DENND5A: variants seen among roughly 807,000 people sequenced by gnomAD.
The protein encoded by DENND5A is DENN domain-containing protein 5A.
In DENND5A, 64 loss-of-function variants were observed where a neutral mutation model predicts 140.3. The ratio of observed to expected loss-of-function variants is 0.46; its 90% CI spans 0.37 to 0.56. The LOEUF is 0.56. Among genes scored for constraint, DENND5A ranks in the 20% least tolerant of loss-of-function variants. The pLI is 0.00. For synonymous variants in DENND5A, 605 were observed against 607.7 expected, an observed-to-expected ratio of 1.00 and a Z score of 0.07; for missense variants, 1,292 against 1,593.8, an observed-to-expected ratio of 0.81 and a Z score of 3.22.
At chr11:9,241,498 T>C (rs1851232454) in intron 1 of DENND5A, among the ~76,000 whole-genome samples, 1 of 152,292 alleles carries the variant, frequency 6.6e-6, no homozygotes, top group Middle Eastern at 3.4e-3. Flanking sequence ...TCTAATCTCA[T>C]CTTCCCACCA....
At chr11:9,164,194 ATTTTTTTTTTTTTTTTTTTTTT>A (rs779522112) in intron 11 of DENND5A, among the ~76,000 whole-genome samples, 22,261 of 79,574 alleles carry the variant, frequency 0.28, 2,491 homozygotes, top group Middle Eastern at 0.38. Flanking sequence ...ACCACGCCTA[ATTTTTTTTTTTTTTTTTTTTTT>A]TTTTTTTTTT....
chr11:9,144,942 G>T, intron 18 of DENND5A, 53 bp downstream of exon 18: 1 of 1,290,988 alleles, frequency 7.7e-7, no homozygotes, highest in Non-Finnish European at 1.1e-6. Context: ...GCATCGAAGA[G>T]CTCCTGTAGA....
At chr11:9,175,777 A>G (rs2136167796) in intron 8 of DENND5A, 1 of 152,358 alleles carries the variant, frequency 6.6e-6, no homozygotes, top group Admixed American at 6.5e-5. Context: ...TATATGAAAA[A>G]AAAATGGACG....
chr11:9,193,474 A>C lies in DENND5A; in HGVS notation c.1137+20T>G. 1 of 1,565,734 alleles carries C rather than the reference A, an allele frequency of 6.4e-7. No individual in the cohort carries two copies. The highest frequency in any genetic ancestry group is 8.6e-7 in the Non-Finnish European group (1 of 1,157,384). ...CCAATCCTGGATTGGGGCCAGAGGC[A>C]CCAACACTCAAGATCTCACCTCTTG... On this transcript the variant is annotated intron_variant, in intron 5 of 22. Transcript: ENST00000328194.
Position 9,147,103 on chromosome 11 carries a change from C to A in DENND5A, c.2784G>T (p.Glu928Asp). ...AAGACAGGAGGTGATAGAGGAACTG[C>A]TCCTTCTCGTCATCACAGCGCAGGA... Reference protein sequence around the residue: ...YAFLRCDDEKEQFLYHLLSFN... With the variant: ...YAFLRCDDEKDQFLYHLLSFN... The change falls in exon 16 of 23, where the codon GAG becomes GAT. Residue 928 changes from glutamate (E) to aspartate (D), a missense_variant. By Grantham distance (45) the Glu-to-Asp change is conservative. Transcript: ENST00000328194. The A allele has an allele frequency of 6.2e-7, 1 of 1,614,064 alleles. No individual in the cohort carries two copies. The highest frequency in any genetic ancestry group is 8.5e-7 in the Non-Finnish European group (1 of 1,179,928).
chr11:9,251,621 C>T (rs187345642), intron 1 of DENND5A, among the ~76,000 whole-genome samples: 96 of 152,292 alleles, frequency 6.3e-4, no homozygotes, highest in East Asian at 9.6e-4. Flanking sequence ...GTTCTACATA[C>T]GCCAAATGAA....
chr11:9,177,785 A>G (rs533655888), intron 8 of DENND5A: 132 of 178,106 alleles, frequency 7.4e-4, no homozygotes, highest in African/African-American at 3.1e-3. Flanking sequence ...TCACTGAATA[A>G]AAAGACAGAA....
chr11:9,196,428 G>GTA (rs1017031126), intron 4 of DENND5A, among the ~76,000 whole-genome samples: 13 of 152,024 alleles, frequency 8.6e-5, no homozygotes, highest in African/African-American at 2.7e-4. Flanking sequence ...TTTTTGAAAA[G>GTA]TATATATATA....
chr11:9,170,525 G>C (rs1244030417), intron 9 of DENND5A, 102 bp downstream of exon 9: 23 of 1,419,722 alleles, frequency 1.6e-5, no homozygotes, highest in Non-Finnish European at 2.2e-5. Flanking sequence ...ATCTGCTTTA[G>C]AAAAGTACAA....
chr11:9,171,708 A>G (rs1244574191), intron 8 of DENND5A: 1 of 152,228 alleles, frequency 6.6e-6, no homozygotes, highest in East Asian at 1.9e-4. Flanking sequence ...AAAAAAAAAA[A>G]AAAAATGAGC....
chr11:9,175,769 T>C (rs1008271551), intron 8 of DENND5A: 3 of 152,020 alleles, frequency 2.0e-5, no homozygotes, highest in Non-Finnish European at 4.4e-5. Context: ...TGAATATCTA[T>C]ATGAAAAAAA....
At chr11:9,234,324 A>C (rs1850907871) in intron 1 of DENND5A, among the ~76,000 whole-genome samples, 1 of 151,932 alleles carries the variant, frequency 6.6e-6, no homozygotes, top group African/African-American at 2.4e-5. Flanking sequence ...CCCCCCCCCA[A>C]AAAAATGAGC....
At chr11:9,182,502 T>G (rs1439204729) in intron 5 of DENND5A, among the ~76,000 whole-genome samples, 1 of 152,200 alleles carries the variant, frequency 6.6e-6, no homozygotes, top group African/African-American at 2.4e-5. Context: ...CTTAACCATC[T>G]ACTCTTCTCC....
At chr11:9,205,882 A>G (rs916619727) in intron 3 of DENND5A, among the ~76,000 whole-genome samples, 1 of 152,210 alleles carries the variant, frequency 6.6e-6, no homozygotes, top group Non-Finnish European at 1.5e-5. Context: ...CCTGGGTGAC[A>G]GAATGAGACC....
chr11:9,234,809 T>C (rs1046007861), intron 1 of DENND5A, among the ~76,000 whole-genome samples: 8 of 152,242 alleles, frequency 5.3e-5, no homozygotes, highest in Non-Finnish European at 1.2e-4. Context: ...TAAGGAATAC[T>C]GCTAGTTAAT....
chr11:9,203,432 G>A, intron 4 of DENND5A: 1 of 474,544 alleles, frequency 2.1e-6, no homozygotes, highest in Middle Eastern at 5.7e-4. Context: ...AGGAAGCAAT[G>A]TTCCCCTCCA....
chr11:9,152,569 A>T, intron 12 of DENND5A, 127 bp from the exon 13 acceptor site: 1 of 711,094 alleles, frequency 1.4e-6, no homozygotes, highest in Non-Finnish European at 2.6e-6. Context: ...TACATCCAGG[A>T]CACAGTGTAT....
chr11:9,265,282 G>A lies in DENND5A; in HGVS notation c.-213C>T. ...GGCCGCCCCGCACCGCATCCTGGAT[G>A]CCTTCCCCTCCGCGCCGCCGCCGCT... is the stretch of plus-strand genomic sequence containing the variant. On this transcript the variant is annotated 5_prime_UTR_variant, in exon 1 of 23. Coordinates refer to ENST00000328194, the MANE Select transcript of DENND5A (RefSeq NM_015213.4). This position sits in a 1 kb window ranked among gnomAD's most constrained non-coding sequence, Gnocchi z 4.7. 3.8e-6 allele frequency: 1 copy of A among 259,816 alleles called. No homozygotes were observed. Among genetic ancestry groups the A allele is most frequent in the Non-Finnish European group, 7.2e-6 (1 of 138,060 alleles). 16.1% of individuals were successfully genotyped at this position (259,816 alleles called of 1,614,324 possible).
intron 1 of DENND5A, among the ~76,000 whole-genome samples, chr11:9,231,935 G>T (rs1383770864): frequency 1.8e-4 from 27 of 151,734 alleles, no homozygotes. Flanking sequence ...CACTGTATTG[G>T]TCATATCAAA....
Sources: allele counts gnomAD v4.1 joint callset (sites outside exome capture counted in the v4.1 genomes callset), GRCh38; gene constraint gnomAD v4.1.1; non-coding constraint Gnocchi (gnomAD v3.1); transcripts MANE v1.5; gene names NCBI Gene and HGNC (gene_info 2026-07-23, HGNC 2026-07-21).